NOS1AP: variants seen among roughly 807,000 people sequenced by gnomAD.
NOS1AP encodes carboxyl-terminal PDZ ligand of neuronal nitric oxide synthase protein.
Under a neutral mutation model 56.2 loss-of-function variants are expected in NOS1AP, and 21 were observed. That is an observed-to-expected ratio of 0.37 (90% confidence interval 0.26 to 0.54). The LOEUF (loss-of-function observed/expected upper bound fraction) is 0.54, where lower values mean the gene tolerates loss of function less well. Among genes scored for constraint, NOS1AP ranks in the 20% least tolerant of loss-of-function variants. The pLI, the probability that NOS1AP is intolerant of heterozygous loss-of-function variation, is 0.84. For synonymous variants in NOS1AP, 270 were observed against 274.6 expected (o/e 0.98, Z 0.17); for missense variants, 522 against 657.8 (o/e 0.79, Z 2.26).
intron 8 of NOS1AP, among the ~76,000 whole-genome samples, chr1:162,360,184 A>G (rs1176082206): frequency 6.6e-6 from 1 of 152,094 alleles, no homozygotes; most frequent in African/African-American, 2.4e-5. Flanking sequence ...CCCTGACCTT[A>G]AAGGTATATG....
chr1:162,288,761 T>C (rs574467397), intron 3 of NOS1AP, among the ~76,000 whole-genome samples: 1 of 152,260 alleles, frequency 6.6e-6, no homozygotes. Context: ...AAAAAAGATA[T>C]ACTGTTTATA....
intron 2 of NOS1AP, among the ~76,000 whole-genome samples, chr1:162,265,517 T>G (rs1468113338): frequency 2.0e-5 from 3 of 151,574 alleles, no homozygotes; most frequent in Non-Finnish European, 4.4e-5. Context: ...CTGAGAATGT[T>G]GATTTCCAAT....
At chr1:162,293,868 A>G (rs1655351500) in intron 3 of NOS1AP, among the ~76,000 whole-genome samples, 1 of 152,230 alleles carries the variant, frequency 6.6e-6, no homozygotes, top group Non-Finnish European at 1.5e-5. Context: ...TAAGGTGGAG[A>G]CCAATTTTAG....
At chr1:162,097,339 T>C (rs1055306920) in intron 1 of NOS1AP, among the ~76,000 whole-genome samples, 2 of 152,230 alleles carry the variant, frequency 1.3e-5, no homozygotes, top group African/African-American at 2.4e-5. Context: ...TTTTCCACTA[T>C]GTGGCTGCTG....
intron 4 of NOS1AP, among the ~76,000 whole-genome samples, chr1:162,328,842 A>C (rs1032061428): frequency 6.6e-6 from 1 of 152,244 alleles, no homozygotes; most frequent in Non-Finnish European, 1.5e-5. Flanking sequence ...TGAATTGCCT[A>C]TCAGTGATGA....
intron 2 of NOS1AP, among the ~76,000 whole-genome samples, chr1:162,186,283 C>A (rs1651427913): frequency 6.6e-6 from 1 of 151,758 alleles, no homozygotes; most frequent in Non-Finnish European, 1.5e-5. Context: ...GGTGTTTAAC[C>A]CTGTGAGATG....
intron 2 of NOS1AP, among the ~76,000 whole-genome samples, chr1:162,198,463 T>G (rs893560549): frequency 1.3e-5 from 2 of 152,158 alleles, no homozygotes; most frequent in African/African-American, 4.8e-5. Flanking sequence ...ATTCTGACAT[T>G]TCCAGGGCTG....
chr1:162,092,858 T>C (rs931357588), intron 1 of NOS1AP, among the ~76,000 whole-genome samples: 3 of 152,204 alleles, frequency 2.0e-5, no homozygotes, highest in Non-Finnish European at 4.4e-5. Context: ...TCTTCTTTAG[T>C]ACCATAAATG....
At position 162,106,563 on chromosome 1, in the gene NOS1AP, G is replaced by A. The variant is rs186364227; in HGVS notation, c.105+36281G>A. 3.1e-3 allele frequency among the ~76,000 whole-genome samples: 472 copies of A among 151,742 alleles called. 2 individuals are homozygous for A. The highest frequency in any genetic ancestry group is 0.01 in the African/African-American group (431 of 41,348). ...TTCCAGATATATATGTTCTTTCTTA[G>A]ACTGTTCAGCAGTAGACCCTTGACT... On this transcript the variant is annotated intron_variant, in intron 1 of 9. Transcript: ENST00000361897.
intron 2 of NOS1AP, among the ~76,000 whole-genome samples, chr1:162,194,272 A>G: frequency 6.6e-6 from 1 of 152,134 alleles, no homozygotes; most frequent in East Asian, 1.9e-4. Context: ...CTACTTTAAT[A>G]GAGCAGAGAG....
intron 1 of NOS1AP, among the ~76,000 whole-genome samples, chr1:162,120,197 G>C (rs1648152604): frequency 6.6e-6 from 1 of 151,822 alleles, no homozygotes; most frequent in South Asian, 2.1e-4. Context: ...TTTAAGCTGT[G>C]AATCTATTCT....
chr1:162,204,284 C>G (rs1480452968), intron 2 of NOS1AP, among the ~76,000 whole-genome samples: 3 of 152,316 alleles, frequency 2.0e-5, no homozygotes, highest in Non-Finnish European at 2.9e-5. Context: ...TGCCTTTGGG[C>G]CTTCTCATTT....
chr1:162,131,873 T>C lies in NOS1AP; in HGVS notation c.106-22532T>C, dbSNP rs79718607. ...TATTCCCTGTACTGCTGTCAAACTT[T>C]GGGCAAGTATCTACAGTTCTCTAAT... On this transcript the variant is annotated intron_variant, in intron 1 of 9. Coordinates refer to ENST00000361897, the MANE Select transcript of NOS1AP (RefSeq NM_014697.3). 3.6e-3 allele frequency among the ~76,000 whole-genome samples: 548 copies of C among 152,326 alleles called. 2 individuals are homozygous for C. The highest frequency in any genetic ancestry group is 0.012 in the African/African-American group (514 of 41,576).
intron 1 of NOS1AP, among the ~76,000 whole-genome samples, chr1:162,149,533 G>A (rs559132305): frequency 2.6e-5 from 4 of 152,222 alleles, no homozygotes; most frequent in Non-Finnish European, 5.9e-5. Flanking sequence ...CTTTGTTGTG[G>A]TGTCATATGT....
intron 2 of NOS1AP, among the ~76,000 whole-genome samples, chr1:162,262,914 T>G (rs965061624): frequency 3.3e-5 from 5 of 152,218 alleles, no homozygotes; most frequent in African/African-American, 1.2e-4. Context: ...GCTGCCTGTA[T>G]TCCATTCTCT....
At chr1:162,090,492 T>G (rs894776604) in intron 1 of NOS1AP, among the ~76,000 whole-genome samples, 5 of 152,092 alleles carry the variant, frequency 3.3e-5, no homozygotes, top group African/African-American at 1.2e-4. Flanking sequence ...TCCAGGAAAG[T>G]TTTCACAGAC....
intron 2 of NOS1AP, among the ~76,000 whole-genome samples, chr1:162,165,039 T>C (rs1384269145): frequency 6.6e-6 from 1 of 152,184 alleles, no homozygotes; most frequent in Non-Finnish European, 1.5e-5. Context: ...AATGACTCCC[T>C]TGCCTGGTGT....
intron 3 of NOS1AP, among the ~76,000 whole-genome samples, chr1:162,292,523 G>A (rs567622206): frequency 5.5e-4 from 84 of 152,308 alleles, no homozygotes; most frequent in African/African-American, 2.0e-3. Context: ...AAAGCAGATT[G>A]AGCAACTTGC....
At chr1:162,105,619 C>A (rs1278753317) in intron 1 of NOS1AP, among the ~76,000 whole-genome samples, 1 of 152,180 alleles carries the variant, frequency 6.6e-6, no homozygotes, top group Non-Finnish European at 1.5e-5. Context: ...CTGAAGCCCC[C>A]ACAAGGAGGT....
Sources: gnomAD v4.1 joint callset for allele counts (sites outside exome capture counted in the v4.1 genomes callset) on GRCh38, gnomAD v4.1.1 for gene constraint, MANE v1.5 for transcripts, NCBI Gene and HGNC (gene_info 2026-07-23, HGNC 2026-07-21) for gene names.